Variants in HPSE observed in about 807,000 individuals in gnomAD.
HPSE encodes heparanase.
In HPSE, 48 loss-of-function variants were observed where a neutral mutation model predicts 65.1. The ratio of observed to expected loss-of-function variants is 0.74; its 90% CI spans 0.58 to 0.94. The LOEUF is 0.94. HPSE is among the 40% of genes least tolerant of loss of function. The pLI is 0.00. For synonymous variants in HPSE, 243 were observed against 260.0 expected, an observed-to-expected ratio of 0.93 and a Z score of 0.63; for missense variants, 644 against 637.5, an observed-to-expected ratio of 1.01 and a Z score of -0.11.
chr4:83,320,410 C>T (rs1263234696), intron 2 of HPSE, among the ~76,000 whole-genome samples: 13 of 152,050 alleles, frequency 8.5e-5, no homozygotes, highest in South Asian at 4.2e-4. Flanking sequence ...ACTAAAAATA[C>T]GAAAACTTAG....
At chr4:83,329,905 TG>T (rs1737299376) in intron 1 of HPSE, among the ~76,000 whole-genome samples, 1 of 151,932 alleles carries the variant, frequency 6.6e-6, no homozygotes, top group Non-Finnish European at 1.5e-5. Context: ...GCAGGAGCAC[TG>T]GATGAGAGCC....
Position 83,310,739 on chromosome 4 carries a change from C to A in HPSE, c.825G>T (p.Thr275=). 4.3e-6 allele frequency: 7 copies of A among 1,611,970 alleles called. No homozygotes were observed. Among genetic ancestry groups the A allele is most frequent in the Non-Finnish European group, 5.9e-6 (7 of 1,179,272 alleles). The change falls in exon 5 of 12, where the codon ACG becomes ACT. Residue 275 remains threonine (T), a synonymous_variant. Coordinates refer to ENST00000311412, the MANE Select transcript of HPSE (RefSeq NM_001098540.3). Reference sequence around the variant, plus strand: ...GTTCCTACCTCTTCAGCATCTTAGCCGTCTTTCTTCGAGGCTGACCAACAT... The same window carrying A: ...GTTCCTACCTCTTCAGCATCTTAGCAGTCTTTCTTCGAGGCTGACCAACAT... The part of the protein sequence containing the change: ...GPDVGQPRRK[T]AKMLKSFLKA...
In HPSE at chr4:83,334,802, T is replaced by TC. The variant is rs763870860; in HGVS notation, c.-21dup. 4.7e-6 allele frequency: 7 copies of TC among 1,492,158 alleles called. No homozygotes were observed. The highest frequency in any genetic ancestry group is 2.3e-5 in the Admixed American group (1 of 42,662). 92.4% of individuals were successfully genotyped at this position (1,492,158 alleles called of 1,614,324 possible). A position where few individuals can be genotyped will look rare whatever the true frequency, so the allele number is the denominator to read the frequency against. ...CAGCATCTTGGGCTCACCTGGCTGC[T>TC]CCCCCCGCCAGCTGCCGCGCAGCGG... On this transcript the variant is annotated 5_prime_UTR_variant, in exon 1 of 12. Transcript: ENST00000311412.
chr4:83,317,430 C>T (rs146620561), intron 3 of HPSE, among the ~76,000 whole-genome samples: 29 of 152,290 alleles, frequency 1.9e-4, no homozygotes, highest in African/African-American at 6.7e-4. Context: ...GTTTCCATGA[C>T]GTGCCCATGA....
chr4:83,320,729 C>A (rs986170318), intron 2 of HPSE, among the ~76,000 whole-genome samples: 1 of 152,208 alleles, frequency 6.6e-6, no homozygotes, highest in East Asian at 1.9e-4. Context: ...GCGGCTGGTG[C>A]CTCATCCATC....
intron 11 of HPSE, among the ~76,000 whole-genome samples, chr4:83,295,896 T>C (rs1007617968): frequency 6.6e-6 from 1 of 152,110 alleles, no homozygotes; most frequent in Non-Finnish European, 1.5e-5. Context: ...GTAAAGAAAA[T>C]AGATATATAG....
intron 1 of HPSE, among the ~76,000 whole-genome samples, chr4:83,323,831 A>G (rs1487294530): frequency 6.6e-6 from 1 of 152,218 alleles, no homozygotes; most frequent in Non-Finnish European, 1.5e-5. Context: ...ATGGAATTAG[A>G]ATGATCTATA....
At chr4:83,318,910 T>A (rs1230649500) in intron 3 of HPSE, among the ~76,000 whole-genome samples, 2 of 151,896 alleles carry the variant, frequency 1.3e-5, no homozygotes, top group African/African-American at 4.8e-5. Context: ...CTGTCTGGAG[T>A]GACTCAGGGC....
At chr4:83,332,444 G>A (rs371471406) in intron 1 of HPSE, among the ~76,000 whole-genome samples, 110 of 152,220 alleles carry the variant, frequency 7.2e-4, no homozygotes, top group African/African-American at 2.4e-3. Context: ...CAAGCGAAGC[G>A]GGCTGGAACA....
In HPSE at chr4:83,297,685, C is replaced by T. The variant is rs373502148; in HGVS notation, c.1473-2182G>A. Among the ~76,000 whole-genome samples, 16 of 152,240 alleles carry T rather than the reference C, an allele frequency of 1.1e-4. No individual in the cohort carries two copies. In the East Asian group the frequency reaches 1.3e-3, roughly 13 times the overall value. Reference sequence around the variant, plus strand: ...TGTAACTTAAGACATATCAATAGCACGCCCATGATTGTAGCAGAGGTTAGC... The same window carrying T: ...TGTAACTTAAGACATATCAATAGCATGCCCATGATTGTAGCAGAGGTTAGC... On this transcript the variant is annotated intron_variant, in intron 11 of 11. Coordinates refer to ENST00000311412, the MANE Select transcript of HPSE (RefSeq NM_001098540.3).
chr4:83,325,961 A>ATCC (rs1267765652), intron 1 of HPSE, among the ~76,000 whole-genome samples: 125 of 152,166 alleles, frequency 8.2e-4, no homozygotes, highest in African/African-American at 2.8e-3. Context: ...GCTGGGAGAG[A>ATCC]ACAGAATGGA....
intron 9 of HPSE, among the ~76,000 whole-genome samples, chr4:83,305,538 T>C (rs1423320097): frequency 1.3e-5 from 2 of 152,158 alleles, no homozygotes; most frequent in African/African-American, 2.4e-5. Flanking sequence ...TCTTAGAAAA[T>C]ATATATCTGC....
rs1375216090 is a variant in HPSE, at chr4:83,314,268, A to AC, written c.500-982dup. Reference sequence around the variant, plus strand: ...ATGAGATCCTGTCTCAAAAAAAAAAACAAAAAAACAAACAAAAAAAAAAGT... The same window carrying AC: ...ATGAGATCCTGTCTCAAAAAAAAAAACCAAAAAAACAAACAAAAAAAAAAGT... On this transcript the variant is annotated intron_variant, in intron 3 of 11. Transcript: ENST00000311412. Among the ~76,000 whole-genome samples, 239 of 52,794 alleles carry AC rather than the reference A, an allele frequency of 4.5e-3. 7 individuals are homozygous for AC. In the East Asian group the frequency reaches 0.14, roughly 32 times the overall value. 34.6% of individuals were successfully genotyped at this position (52,794 alleles called of 152,430 possible). A position where few individuals can be genotyped will look rare whatever the true frequency, so the allele number is the denominator to read the frequency against.
intron 11 of HPSE, among the ~76,000 whole-genome samples, chr4:83,299,790 A>AC (rs1163198514): frequency 6.6e-6 from 1 of 151,500 alleles, no homozygotes; most frequent in Non-Finnish European, 1.5e-5. Context: ...TGCAGCCATG[A>AC]CCCCCCTGGG....
Position 83,326,095 on chromosome 4 carries a change from A to G in HPSE, c.228-3731T>C, listed in dbSNP as rs1382925425. Among the ~76,000 whole-genome samples, 1 of 152,228 alleles carries G rather than the reference A, an allele frequency of 6.6e-6. No individual in the cohort carries two copies. Among genetic ancestry groups the G allele is most frequent in the East Asian group, 1.9e-4 (1 of 5,198 alleles). On this transcript the variant is annotated intron_variant, in intron 1 of 11. Coordinates refer to ENST00000311412, the MANE Select transcript of HPSE (RefSeq NM_001098540.3). This position sits in a 1 kb window ranked among gnomAD's most constrained non-coding sequence, Gnocchi z 4.2. The stretch of plus-strand genomic sequence containing the variant: ...GCAGCTGGAGTGACCTCACCAGACT[A>G]AGAACAAGACTCTGGTCATGTTAAC...
intron 1 of HPSE, among the ~76,000 whole-genome samples, chr4:83,325,800 A>G (rs939859986): frequency 6.6e-6 from 1 of 152,224 alleles, no homozygotes; most frequent in Non-Finnish European, 1.5e-5. Context: ...AAAAAGAATA[A>G]ACCTTATCTA....
Position 83,301,009 on chromosome 4 carries a change from C to T in HPSE, c.1423G>A (p.Val475Met). The T allele has an allele frequency of 6.2e-7, 1 of 1,609,652 alleles. No individual in the cohort carries two copies. The highest frequency in any genetic ancestry group is 8.5e-7 in the Non-Finnish European group (1 of 1,176,894). Residue 475 changes from valine to methionine, a missense_variant, in exon 11 of 12, where the codon GTG (valine) becomes ATG (methionine). By Grantham distance (21) the Val-to-Met change is conservative. Transcript: ENST00000311412. The part of the protein sequence containing the change: ...RLPYPFSNKQ[V>M]DKYLLRPLGP... ...AAAGGTCTTAGAAGGTATTTATCCA[C>T]TTGCTTGTTAGAAAAAGGATAGGGT...
At chr4:83,333,619 T>C (rs1737485209) in intron 1 of HPSE, among the ~76,000 whole-genome samples, 1 of 151,806 alleles carries the variant, frequency 6.6e-6, no homozygotes, top group Non-Finnish European at 1.5e-5. Flanking sequence ...CATCTTGGAG[T>C]CAGCCTGCAT....
intron 10 of HPSE, among the ~76,000 whole-genome samples, chr4:83,301,506 C>A (rs976327743): frequency 6.6e-6 from 1 of 152,072 alleles, no homozygotes; most frequent in African/African-American, 2.4e-5. Flanking sequence ...CTTTTCCTAG[C>A]CTTATAAAAA....
Sources: allele counts gnomAD v4.1 joint callset (sites outside exome capture counted in the v4.1 genomes callset), GRCh38; gene constraint gnomAD v4.1.1; non-coding constraint Gnocchi (gnomAD v3.1); transcripts MANE v1.5; gene names NCBI Gene and HGNC (gene_info 2026-07-23, HGNC 2026-07-21).